CDA: variants seen among roughly 807,000 people sequenced by gnomAD.
CDA encodes cytidine deaminase, also known as cytidine aminohydrolase.
A neutral mutation model predicts 15.0 loss-of-function variants in CDA; 7 were observed. That is an observed-to-expected ratio of 0.47 (90% CI 0.26 to 0.87). The LOEUF (loss-of-function observed/expected upper bound fraction) is 0.87. Ranked by LOEUF, CDA falls within the 40% of genes least tolerant of loss-of-function variation. The probability of loss-of-function intolerance (pLI) is 0.15; values close to 1 mark genes in which losing one functional copy is unlikely to be tolerated. For missense variants in CDA, 159 were observed against 182.7 expected, an observed-to-expected ratio of 0.87 and a Z score of 0.75; for synonymous variants, 58 against 73.0, an observed-to-expected ratio of 0.79 and a Z score of 1.05.
chr1:20,613,991 C>A, intron 3 of CDA, 92 bp downstream of exon 3: 3 of 1,194,576 alleles, frequency 2.5e-6, no homozygotes, highest in Non-Finnish European at 3.7e-6. Flanking sequence ...GCAGGCATGG[C>A]AGGCGTGGAG....
intron 1 of CDA, among the ~76,000 whole-genome samples, chr1:20,593,460 T>C (rs1430178087): frequency 6.6e-6 from 1 of 152,182 alleles, no homozygotes; most frequent in African/African-American, 2.4e-5. Flanking sequence ...AACACAAACA[T>C]CACCACATCC....
intron 1 of CDA, among the ~76,000 whole-genome samples, chr1:20,599,094 G>A (rs1328109241): frequency 4.6e-5 from 7 of 152,198 alleles, no homozygotes; most frequent in Non-Finnish European, 8.8e-5. Context: ...CTCTGAGAAG[G>A]TGACATTTGA....
chr1:20,591,611 T>C (rs1485157007), intron 1 of CDA, among the ~76,000 whole-genome samples: 2 of 151,964 alleles, frequency 1.3e-5, no homozygotes, highest in Admixed American at 6.5e-5. Context: ...CCTCATCCAG[T>C]GGAAGGAAGG....
At chr1:20,591,320 G>A (rs1469119284) in intron 1 of CDA, among the ~76,000 whole-genome samples, 3 of 151,918 alleles carry the variant, frequency 2.0e-5, no homozygotes, top group African/African-American at 4.8e-5. Context: ...CAGCCTGGGC[G>A]ACAGAGCGAG....
In CDA at chr1:20,589,123, T is replaced by A. The variant is rs1570373162; in HGVS notation, c.-7T>A. The stretch of plus-strand genomic sequence containing the variant: ...CCGCTGCTCTGCTGCCTGCCCGGGG[T>A]ACCAACATGGCCCAGAAGCGTCCTG... On this transcript the variant is annotated 5_prime_UTR_variant, in exon 1 of 4. Transcript: ENST00000375071. 1 of 1,613,876 alleles carries A rather than the reference T, an allele frequency of 6.2e-7. No homozygotes were observed. The highest frequency in any genetic ancestry group is 8.5e-7 in the Non-Finnish European group (1 of 1,179,964).
In CDA at chr1:20,589,134, C is replaced by T. The variant is rs2101170575; in HGVS notation, c.5C>T (p.Ala2Val). The change falls in exon 1 of 4, where the codon GCC (alanine) becomes GTC (valine). Residue 2 changes from alanine (A) to valine (V), a missense_variant. Coordinates refer to ENST00000375071, the MANE Select transcript of CDA (RefSeq NM_001785.3). Reference sequence around the variant, plus strand: ...CTGCCTGCCCGGGGTACCAACATGGCCCAGAAGCGTCCTGCCTGCACCCTG... The same window carrying T: ...CTGCCTGCCCGGGGTACCAACATGGTCCAGAAGCGTCCTGCCTGCACCCTG... MAQKRPACTLKP... is the reference protein window; with the variant it reads MVQKRPACTLKP... 6.2e-7 allele frequency: 1 copy of T among 1,614,088 alleles called. No homozygotes were observed. The highest frequency in any genetic ancestry group is 8.5e-7 in the Non-Finnish European group (1 of 1,180,004).
At chr1:20,593,925 T>C (rs879135390) in intron 1 of CDA, among the ~76,000 whole-genome samples, 1 of 152,082 alleles carries the variant, frequency 6.6e-6, no homozygotes, top group Non-Finnish European at 1.5e-5. Flanking sequence ...AGGTGCAGAA[T>C]AGGGGGTGGA....
Position 20,617,933 on chromosome 1 carries a change from A to G in CDA, c.325-519A>G, listed in dbSNP as rs555921765. On this transcript the variant is annotated intron_variant, in intron 3 of 3. Transcript: ENST00000375071. ...CTCATCTCGAACTCCTGACCTCAGG[A>G]GATCCGCCTGCCTCGGCCTCCCAAA... Among the ~76,000 whole-genome samples, 6 of 152,132 alleles carry G rather than the reference A, an allele frequency of 3.9e-5. No homozygotes were observed. In the East Asian group the frequency reaches 1.2e-3, roughly 29 times the overall value.
chr1:20,607,151 C>T (rs886224855), intron 2 of CDA, among the ~76,000 whole-genome samples: 2 of 152,202 alleles, frequency 1.3e-5, no homozygotes, highest in African/African-American at 2.4e-5. Context: ...CCTTTTAGCA[C>T]CTTTCTGGCT....
chr1:20,615,430 C>T (rs1429562186), intron 3 of CDA, among the ~76,000 whole-genome samples: 5 of 131,104 alleles, frequency 3.8e-5, no homozygotes, highest in African/African-American at 1.2e-4. Flanking sequence ...TCCAGGAGTT[C>T]GAGACCTGCC....
chr1:20,618,634 C>G lies in CDA; in HGVS notation c.*66C>G. On this transcript the variant is annotated 3_prime_UTR_variant, in exon 4 of 4. Transcript: ENST00000375071. ...AACTTCATAAAGATGTCTCACAGCC[C>G]TGGGGACACCTGCCCAGTGGGCCCC... The G allele has an allele frequency of 1.1e-6, 1 of 942,648 alleles. No individual in the cohort carries two copies. Among genetic ancestry groups the G allele is most frequent in the South Asian group, 1.3e-5 (1 of 77,730 alleles). 58.4% of individuals were successfully genotyped at this position (942,648 alleles called of 1,614,324 possible).
intron 2 of CDA, among the ~76,000 whole-genome samples, chr1:20,613,227 G>T (rs1297600056): frequency 6.6e-6 from 1 of 151,202 alleles, no homozygotes; most frequent in African/African-American, 2.4e-5. Context: ...TTTTGAGAAG[G>T]ATTTTCATTC....
rs1570389780 is a variant in CDA at position 20,618,701 on chromosome 1, A to C, written c.*133A>C. On this transcript the variant is annotated 3_prime_UTR_variant, in exon 4 of 4. Coordinates refer to ENST00000375071, the MANE Select transcript of CDA (RefSeq NM_001785.3). Reference sequence around the variant, plus strand: ...GGCAAAGATGATGTTTCCAGATTACACTCCAGCCTGAGTCAGCACCCCTCC... The same window carrying C: ...GGCAAAGATGATGTTTCCAGATTACCCTCCAGCCTGAGTCAGCACCCCTCC... The C allele has an allele frequency of 1.4e-5, 10 of 710,888 alleles. 1 individual carries two copies. Among genetic ancestry groups the C allele is most frequent in the South Asian group, 1.3e-4 (9 of 68,966 alleles). The allele number at this position is 710,888 out of a possible 1,614,324, so 44.0% of individuals were successfully genotyped here. A position where few individuals can be genotyped will look rare whatever the true frequency, so the allele number is the denominator to read the frequency against.
chr1:20,608,075 A>G (rs530196733), intron 2 of CDA, among the ~76,000 whole-genome samples: 1 of 152,234 alleles, frequency 6.6e-6, no homozygotes, highest in South Asian at 2.1e-4. Flanking sequence ...TAGCCAGCAA[A>G]AGGCAGGACA....
At chr1:20,616,116 C>G (rs547481603) in intron 3 of CDA, among the ~76,000 whole-genome samples, 1 of 152,212 alleles carries the variant, frequency 6.6e-6, no homozygotes, top group East Asian at 1.9e-4. Flanking sequence ...AGTAAAATGA[C>G]TTACTGAAGG....
chr1:20,591,538 G>A (rs2101173429), intron 1 of CDA, among the ~76,000 whole-genome samples: 1 of 152,314 alleles, frequency 6.6e-6, no homozygotes, highest in Non-Finnish European at 1.5e-5. Context: ...GAACAGGGAT[G>A]ACACAATCCC....
At chr1:20,616,280 G>A (rs192833580) in intron 3 of CDA, among the ~76,000 whole-genome samples, 13 of 152,318 alleles carry the variant, frequency 8.5e-5, no homozygotes, top group Admixed American at 2.0e-4. Context: ...ACTTTGGCAT[G>A]TGGATGCTGC....
chr1:20,590,879 G>A (rs1024482385), intron 1 of CDA, among the ~76,000 whole-genome samples: 3 of 152,136 alleles, frequency 2.0e-5, no homozygotes, highest in Non-Finnish European at 4.4e-5. Flanking sequence ...CAGCATGTTC[G>A]GCCACAGCAT....
chr1:20,602,502 C>A (rs1016451935), intron 1 of CDA, among the ~76,000 whole-genome samples: 4 of 152,104 alleles, frequency 2.6e-5, no homozygotes, highest in African/African-American at 9.7e-5. Context: ...CGGCTCACTG[C>A]AACCTCTGCC....
Sources: gnomAD v4.1 joint callset for allele counts (sites outside exome capture counted in the v4.1 genomes callset) on GRCh38, gnomAD v4.1.1 for gene constraint, MANE v1.5 for transcripts, NCBI Gene and HGNC (gene_info 2026-07-23, HGNC 2026-07-21) for gene names.